The following ROS1 variants were observed in gnomAD, a reference collection of about 807,000 sequenced individuals.
ROS1 encodes the protein ROS proto-oncogene 1, receptor tyrosine kinase, also known as proto-oncogene tyrosine-protein kinase ROS.
ROS1 carries 263 observed loss-of-function variants against 273.5 expected under a neutral mutation model. That is an observed-to-expected ratio of 0.96 (90% CI 0.87 to 1.06). The LOEUF (loss-of-function observed/expected upper bound fraction) is 1.06, where lower values mean the gene tolerates loss of function less well. Ranked by LOEUF, ROS1 falls within the 50% of genes least tolerant of loss-of-function variation. ROS1 has a pLI of 0.00. For missense variants in ROS1, 2,833 were observed against 2,751.1 expected, an observed-to-expected ratio of 1.03 and a Z score of -0.67; for synonymous variants, 1,008 against 954.1, an observed-to-expected ratio of 1.06 and a Z score of -1.04.
At chr6:117,404,559 A>C in intron 5 of ROS1, 131 bp from the exon 6 acceptor site, 1 of 722,564 alleles carries the variant, frequency 1.4e-6, no homozygotes, top group Non-Finnish European at 2.2e-6. Flanking sequence ...ACTCACTTGA[A>C]TAATCAATGG....
chr6:117,386,762 T>G, intron 15 of ROS1, 127 bp downstream of exon 15: 1 of 508,624 alleles, frequency 2.0e-6, no homozygotes, highest in Non-Finnish European at 3.6e-6. Context: ...TAGAGTTCAG[T>G]CAATATTTTT....
At chr6:117,396,805 G>C in intron 8 of ROS1, 110 bp downstream of exon 8, 5 of 796,618 alleles carry the variant, frequency 6.3e-6, no homozygotes, top group Middle Eastern at 3.6e-4. Flanking sequence ...CATGGAGTCA[G>C]TGGCGCTTCT....
rs949630495 is a variant in ROS1 at position 117,288,427 on chromosome 6, G to T, written c.*65C>A. The T allele has an allele frequency of 4.0e-5, 53 of 1,317,036 alleles. No individual in the cohort carries two copies. The highest frequency in any genetic ancestry group is 3.8e-4 in the Middle Eastern group (2 of 5,292). The allele number at this position is 1,317,036 out of a possible 1,614,324, so 81.6% of individuals were successfully genotyped here. A position where few individuals can be genotyped will look rare whatever the true frequency, so the allele number is the denominator to read the frequency against. On this transcript the variant is annotated 3_prime_UTR_variant, in exon 44 of 44. Coordinates refer to ENST00000368507, the MANE Select transcript of ROS1 (RefSeq NM_001378902.1). ...CCATGACATTTATCATTCTAGCAGAGTTTTCTTTCAGTAACTACTGAATGA... is the reference window on the plus strand; with the variant it reads ...CCATGACATTTATCATTCTAGCAGATTTTTCTTTCAGTAACTACTGAATGA...
chr6:117,408,066 G>T (rs921567453), intron 5 of ROS1, among the ~76,000 whole-genome samples: 10 of 151,960 alleles, frequency 6.6e-5, no homozygotes, highest in African/African-American at 2.4e-4. Context: ...ATTAATTCAA[G>T]ATGGATTAAA....
intron 42 of ROS1, among the ~76,000 whole-genome samples, chr6:117,302,453 G>A (rs537497301): frequency 1.3e-5 from 2 of 152,222 alleles, no homozygotes; most frequent in East Asian, 3.9e-4. Context: ...ATTCAATAAG[G>A]AGTGACTTAT....
intron 18 of ROS1, among the ~76,000 whole-genome samples, chr6:117,374,122 C>G (rs970256999): frequency 6.6e-6 from 1 of 152,104 alleles, no homozygotes; most frequent in African/African-American, 2.4e-5. Context: ...TCATTCTTCA[C>G]AGAACAAGAG....
chr6:117,373,384 CG>C (rs1263885827), intron 18 of ROS1, among the ~76,000 whole-genome samples: 2 of 152,232 alleles, frequency 1.3e-5, no homozygotes, highest in Non-Finnish European at 2.9e-5. Context: ...AAGCCCACCA[CG>C]GGGGGACTTG....
chr6:117,319,932 A>T lies in ROS1; in HGVS notation c.5858T>A (p.Val1953Glu), dbSNP rs2128558837. Residue 1953 changes from valine to glutamate, a missense_variant, in exon 37 of 44, where the codon GTG becomes GAG. Val to Glu is a moderately radical substitution (Grantham distance 121). Transcript: ENST00000368507. The part of the protein sequence containing the change: ...LLLGSGAFGE[V>E]YEGTAVDILG... ...GATGTCCACTGCTGTTCCTTCATACACTTCTCCAAAGGCTCCACTTCCCAG... is the reference window on the plus strand; with the variant it reads ...GATGTCCACTGCTGTTCCTTCATACTCTTCTCCAAAGGCTCCACTTCCCAG... 6.2e-7 allele frequency: 1 copy of T among 1,613,396 alleles called. No individual in the cohort carries two copies. The highest frequency in any genetic ancestry group is 8.5e-7 in the Non-Finnish European group (1 of 1,179,592).
Position 117,311,115 on chromosome 6 carries a change from A to C in ROS1, c.6120T>G (p.Phe2040Leu). 1 of 1,587,112 alleles carries C rather than the reference A, an allele frequency of 6.3e-7. No homozygotes were observed. The highest frequency in any genetic ancestry group is 8.6e-7 in the Non-Finnish European group (1 of 1,163,496). ...TYLRKARMAT[F>L]YGPLLTLVDL... is the part of the protein sequence containing the mutation. ...CAACCAAGGTGAGTAAAGGACCATAAAACTGTAAGAAATGAAAGAAAAATT... is the reference window on the plus strand; with the variant it reads ...CAACCAAGGTGAGTAAAGGACCATACAACTGTAAGAAATGAAAGAAAAATT... Residue 2040 changes from phenylalanine (F) to leucine (L), a missense_variant and splice_region_variant, in exon 40 of 44, where the codon TTT becomes TTG. Coordinates refer to ENST00000368507, the MANE Select transcript of ROS1 (RefSeq NM_001378902.1).
At chr6:117,317,028 C>T (rs1775969258) in intron 39 of ROS1, 115 bp downstream of exon 39, 1 of 1,074,266 alleles carries the variant, frequency 9.3e-7, no homozygotes, top group African/African-American at 1.6e-5. Context: ...ATAATTCTTT[C>T]CATGTAAGTC....
chr6:117,328,959 C>A (rs2128591628), intron 33 of ROS1: 1 of 576,980 alleles, frequency 1.7e-6, no homozygotes. Context: ...AGAGTATTCA[C>A]CTTGCTAAAG....
rs1286980491 is a variant in ROS1, at chr6:117,344,125, A to G, written c.4441T>C (p.Tyr1481His). Residue 1481 changes from tyrosine to histidine, a missense_variant, in exon 28 of 44, where the codon TAC becomes CAC. Tyr to His is a moderately conservative substitution (Grantham distance 83). Coordinates refer to ENST00000368507, the MANE Select transcript of ROS1 (RefSeq NM_001378902.1). ...WYGITSPTPT[Y>H]LVYYAEVNDR... ...TTAACTTCTGCATAATAAACCAGGT[A>G]TGTTGGAGTAGGGCTGGTGATGCCA... is the stretch of plus-strand genomic sequence containing the variant. The G allele has an allele frequency of 1.2e-6, 2 of 1,613,854 alleles. No homozygotes were observed. Among genetic ancestry groups the G allele is most frequent in the Admixed American group, 3.3e-5 (2 of 59,950 alleles).
intron 9 of ROS1, 152 bp downstream of exon 9, chr6:117,396,036 A>C (rs1022603676): frequency 4.4e-6 from 2 of 456,476 alleles, no homozygotes; most frequent in Non-Finnish European, 4.0e-6. Flanking sequence ...TTCATTTAAA[A>C]TGGAAAACTT....
rs765782172 is a variant in ROS1 at position 117,353,132 on chromosome 6, A to T, written c.4161T>A (p.Asp1387Glu). 12 of 1,612,610 alleles carry T rather than the reference A, an allele frequency of 7.4e-6. No individual in the cohort carries two copies. The highest frequency in any genetic ancestry group is 7.6e-6 in the Non-Finnish European group (9 of 1,179,300). The change falls in exon 27 of 44, where the codon GAT becomes GAA. Residue 1387 changes from aspartate (D) to glutamate (E), a missense_variant. By Grantham distance (45) the Asp-to-Glu change is conservative. Transcript: ENST00000368507. ...TTGCTGTGATGATCCAGTATATAAGATCTCCATCCACAGTTAAGCTAACAA... is the reference window on the plus strand; with the variant it reads ...TTGCTGTGATGATCCAGTATATAAGTTCTCCATCCACAGTTAAGCTAACAA... ...KTLVSLTVDG[D>E]LIYWIITAKD... is the part of the protein sequence containing the mutation.
At chr6:117,383,930 A>G (rs1225583200) in intron 16 of ROS1, among the ~76,000 whole-genome samples, 2 of 152,224 alleles carry the variant, frequency 1.3e-5, no homozygotes, top group Admixed American at 6.5e-5. Context: ...ATGATTATCA[A>G]TAATGTGCCA....
At chr6:117,418,421 C>G in intron 2 of ROS1, 41 bp downstream of exon 2, 4 of 1,424,226 alleles carry the variant, frequency 2.8e-6, no homozygotes, top group Non-Finnish European at 3.9e-6. Flanking sequence ...ATTATCAACA[C>G]AAACATTGTA....
chr6:117,410,209 C>T (rs547818211), intron 4 of ROS1, among the ~76,000 whole-genome samples: 120 of 152,266 alleles, frequency 7.9e-4, no homozygotes, highest in African/African-American at 2.6e-3. Flanking sequence ...ATTGATTTGA[C>T]GACCCTCTAA....
chr6:117,290,935 C>A (rs1773793134), intron 43 of ROS1, among the ~76,000 whole-genome samples: 2 of 152,176 alleles, frequency 1.3e-5, no homozygotes, highest in Non-Finnish European at 2.9e-5. Flanking sequence ...ATATGCCCAC[C>A]AGTCTGCAAA....
In ROS1 at chr6:117,359,815, G is replaced by C; in HGVS notation, c.3627C>G (p.Ser1209Arg). The change falls in exon 24 of 44, where the codon AGC (serine) becomes AGG (arginine). Residue 1209 changes from serine (S) to arginine (R), a missense_variant. Transcript: ENST00000368507. The part of the protein sequence containing the change: ...LFLLHLHNRS[S>R]SELFQDSLVF... ...GAATTACATAGTGAAATACCTCAGA[G>C]CTAGAGCGATTGTGCAAGTGCAGAA... is the stretch of plus-strand genomic sequence containing the variant. The C allele has an allele frequency of 6.2e-7, 1 of 1,612,652 alleles. No individual in the cohort carries two copies. Among genetic ancestry groups the C allele is most frequent in the Non-Finnish European group, 8.5e-7 (1 of 1,178,798 alleles).
Sources: allele counts gnomAD v4.1 joint callset (sites outside exome capture counted in the v4.1 genomes callset), GRCh38; gene constraint gnomAD v4.1.1; transcripts MANE v1.5; gene names NCBI Gene and HGNC (gene_info 2026-07-23, HGNC 2026-07-21).